Variants in ATP8A2 observed in about 807,000 individuals in gnomAD.
ATP8A2 encodes the protein phospholipid-transporting ATPase IB.
In ATP8A2, 100 loss-of-function variants were observed where a neutral mutation model predicts 165.6. That is an observed-to-expected ratio of 0.60 (90% CI 0.51 to 0.71). The LOEUF is 0.71. ATP8A2 is among the 30% of genes least tolerant of loss of function. ATP8A2 has a pLI of 0.00. For synonymous variants in ATP8A2, 543 were observed against 548.8 expected (o/e 0.99, Z 0.15); for missense variants, 1,227 against 1,479.5 (o/e 0.83, Z 2.80).
chr13:25,864,330 C>T (rs1343158613), intron 33 of ATP8A2, among the ~76,000 whole-genome samples: 1 of 152,128 alleles, frequency 6.6e-6, no homozygotes, highest in Non-Finnish European at 1.5e-5. Context: ...GAGAGCTGTG[C>T]CAGGGAACCA....
At position 25,682,454 on chromosome 13, in the gene ATP8A2, G is replaced by C. The variant is rs2042511796; in HGVS notation, c.2212-16719G>C. ...CTTAGTTGGTGCATTGCTTTAATTG[G>C]CCACAGTTCTCCTCATCTGTCATGA... On this transcript the variant is annotated intron_variant, in intron 24 of 36. Coordinates refer to ENST00000381655, the MANE Select transcript of ATP8A2 (RefSeq NM_016529.6). Among the ~76,000 whole-genome samples the C allele has an allele frequency of 2.0e-5, 3 of 152,122 alleles. No individual in the cohort carries two copies. The South Asian group carries it at 6.2e-4, about 32-fold the overall frequency.
At chr13:25,612,538 T>C (rs554878616) in intron 24 of ATP8A2, among the ~76,000 whole-genome samples, 2 of 152,334 alleles carry the variant, frequency 1.3e-5, no homozygotes, top group Admixed American at 6.5e-5. Context: ...TTACTGATAC[T>C]TGTTTTGTGG....
rs768970697 is a variant in ATP8A2 at position 25,532,454 on chromosome 13, TAACA to T, written c.466+145_466+148del. ...TCTATAAAATAAAGAAATAGTAAAATAACAAACAAACTGAACATAATTTTAGTCC... is the reference window on the plus strand; with the variant it reads ...TCTATAAAATAAAGAAATAGTAAAATAACAAACTGAACATAATTTTAGTCC... On this transcript the variant is annotated intron_variant, in intron 5 of 36. Transcript: ENST00000381655. 1.6e-5 allele frequency: 10 copies of T among 606,868 alleles called. No individual in the cohort carries two copies. The African/African-American group carries it at 1.7e-4, about 10-fold the overall frequency. The allele number at this position is 606,868 out of a possible 1,614,324, so 37.6% of individuals were successfully genotyped here. A position where few individuals can be genotyped will look rare whatever the true frequency, so the allele number is the denominator to read the frequency against.
At chr13:25,992,057 T>A (rs1956407255) in intron 35 of ATP8A2, among the ~76,000 whole-genome samples, 1 of 152,064 alleles carries the variant, frequency 6.6e-6, no homozygotes, top group Admixed American at 6.5e-5. Flanking sequence ...TTTTAAAGTG[T>A]ATAATTCAGT....
intron 25 of ATP8A2, among the ~76,000 whole-genome samples, chr13:25,754,646 T>A (rs1216130910): frequency 6.6e-6 from 1 of 152,110 alleles, no homozygotes. Flanking sequence ...TAGCTCATTT[T>A]AAAAAATTGT....
chr13:25,744,797 TC>T (rs1465262062), intron 25 of ATP8A2, among the ~76,000 whole-genome samples: 1 of 152,216 alleles, frequency 6.6e-6, no homozygotes, highest in Non-Finnish European at 1.5e-5. Flanking sequence ...GAGTTTCTTA[TC>T]GTTGCTAATT....
chr13:25,970,070 C>G (rs1224822769), intron 35 of ATP8A2, among the ~76,000 whole-genome samples: 1 of 152,032 alleles, frequency 6.6e-6, no homozygotes, highest in Admixed American at 6.6e-5. Context: ...TGTTTAAAAC[C>G]CTATAAAATG....
chr13:25,454,028 A>C (rs930902194), intron 1 of ATP8A2, among the ~76,000 whole-genome samples: 1 of 152,094 alleles, frequency 6.6e-6, no homozygotes, highest in Admixed American at 6.5e-5. Flanking sequence ...GAAATAGATG[A>C]GCGGTAGGAT....
Position 26,019,994 on chromosome 13 carries a change from T to A in ATP8A2, c.*9T>A. ...AATCCAGGAAGAAATAAGACATGAA[T>A]TTTCCTGACTGATCTTAGGAAAGAG... is the stretch of plus-strand genomic sequence containing the variant. On this transcript the variant is annotated 3_prime_UTR_variant, in exon 37 of 37. Transcript: ENST00000381655. 6.3e-7 allele frequency: 1 copy of A among 1,580,078 alleles called. No homozygotes were observed. Among genetic ancestry groups the A allele is most frequent in the Non-Finnish European group, 8.7e-7 (1 of 1,148,974 alleles).
intron 27 of ATP8A2, among the ~76,000 whole-genome samples, chr13:25,795,008 C>T (rs1950470547): frequency 6.6e-6 from 1 of 152,082 alleles, no homozygotes; most frequent in Admixed American, 6.6e-5. Flanking sequence ...TCCAGCCATC[C>T]ATGACTGAGT....
At chr13:25,889,830 CA>C (rs1169120650) in intron 33 of ATP8A2, among the ~76,000 whole-genome samples, 2 of 152,012 alleles carry the variant, frequency 1.3e-5, no homozygotes, top group Non-Finnish European at 1.5e-5. Flanking sequence ...TTTTTTTCCT[CA>C]GATACTTTTT....
At chr13:25,587,581 G>C (rs531569449) in intron 23 of ATP8A2, among the ~76,000 whole-genome samples, 1 of 152,290 alleles carries the variant, frequency 6.6e-6, no homozygotes, top group African/African-American at 2.4e-5. Flanking sequence ...TGTTGTTGAA[G>C]TAAAAAACTA....
At chr13:25,455,443 T>C (rs2035340580) in intron 1 of ATP8A2, among the ~76,000 whole-genome samples, 3 of 152,360 alleles carry the variant, frequency 2.0e-5, no homozygotes, top group Admixed American at 6.5e-5. Flanking sequence ...AGCAGCACAA[T>C]GCTTTTATTA....
At chr13:25,514,022 G>A (rs1005940116) in intron 2 of ATP8A2, among the ~76,000 whole-genome samples, 5 of 151,342 alleles carry the variant, frequency 3.3e-5, no homozygotes, top group Admixed American at 2.6e-4. Context: ...GAGGGAGAGG[G>A]AGAGGGACTC....
At chr13:25,435,952 A>AGTGTGT (rs1448353061) in intron 1 of ATP8A2, among the ~76,000 whole-genome samples, 2 of 40,656 alleles carry the variant, frequency 4.9e-5, no homozygotes, top group Admixed American at 3.0e-4. Flanking sequence ...TGTGTGTGTG[A>AGTGTGT]GTGTGTGTGT....
chr13:25,918,281 G>T (rs898737510), intron 33 of ATP8A2, among the ~76,000 whole-genome samples: 3 of 152,200 alleles, frequency 2.0e-5, no homozygotes, highest in African/African-American at 7.2e-5. Context: ...CCTGGGAAGA[G>T]CATCAGTTAT....
At chr13:25,919,118 A>AT (rs1593557841) in intron 33 of ATP8A2, among the ~76,000 whole-genome samples, 1 of 152,194 alleles carries the variant, frequency 6.6e-6, no homozygotes, top group Non-Finnish European at 1.5e-5. Flanking sequence ...AGGAATGTAT[A>AT]TTTTTCCAGA....
At chr13:25,422,035 C>T (rs2034315363) in intron 1 of ATP8A2, among the ~76,000 whole-genome samples, 1 of 152,142 alleles carries the variant, frequency 6.6e-6, no homozygotes, top group South Asian at 2.1e-4. Flanking sequence ...TGATAAGAAA[C>T]AATGCTTGAA....
intron 1 of ATP8A2, among the ~76,000 whole-genome samples, chr13:25,430,669 C>T (rs963186549): frequency 6.6e-6 from 1 of 152,114 alleles, no homozygotes; most frequent in Admixed American, 6.5e-5. Flanking sequence ...GAAATCTCGG[C>T]TCGCTGTAGC....
Sources: allele counts gnomAD v4.1 joint callset (sites outside exome capture counted in the v4.1 genomes callset), GRCh38; gene constraint gnomAD v4.1.1; transcripts MANE v1.5; gene names NCBI Gene and HGNC (gene_info 2026-07-23, HGNC 2026-07-21).